The following MYH8 variants were observed in gnomAD, a reference collection of about 807,000 sequenced individuals.
MYH8 encodes myosin heavy chain 8, also known as myosin-8.
Under a neutral mutation model 233.2 loss-of-function variants are expected in MYH8, and 168 were observed. That is an observed-to-expected ratio of 0.72 (90% CI 0.64 to 0.82). MYH8 has a LOEUF of 0.82. Ranked by LOEUF, MYH8 falls within the 40% of genes least tolerant of loss-of-function variation. MYH8 has a pLI of 0.00. For missense variants in MYH8, 1,995 were observed against 2,327.8 expected (o/e 0.86, Z 2.94); for synonymous variants, 785 against 850.6 (o/e 0.92, Z 1.34).
rs749987291 is a variant in MYH8 at position 10,401,666 on chromosome 17, A to G, written c.2808T>C (p.Asn936=). 2.5e-6 allele frequency: 4 copies of G among 1,614,116 alleles called. No homozygotes were observed. Among genetic ancestry groups the G allele is most frequent in the Non-Finnish European group, 3.4e-6 (4 of 1,180,026 alleles). Residue 936 remains asparagine (N), a synonymous_variant, in exon 23 of 40, where the codon AAT becomes AAC. Coordinates refer to ENST00000403437, the MANE Select transcript of MYH8 (RefSeq NM_002472.3). ...TTCTCTTCTTGGCTGTCAGCTCAGC[A>G]TTGATCTCTTCCTCCTCCTCAGCTC... ...TERAEEEEEI[N]AELTAKKRKL... is the part of the protein sequence containing the mutation.
chr17:10,401,500 GGTGGC>G (rs2072142414), intron 23 of MYH8, 38 bp downstream of exon 23: 7 of 1,613,986 alleles, frequency 4.3e-6, no homozygotes, highest in Non-Finnish European at 5.9e-6. Flanking sequence ...CAATTTAGTT[GGTGGC>G]AGAACCTCTA....
chr17:10,402,195 G>A (rs1425597584), intron 22 of MYH8, among the ~76,000 whole-genome samples: 6 of 152,100 alleles, frequency 3.9e-5, no homozygotes, highest in African/African-American at 1.4e-4. Flanking sequence ...ATTGCCAAGA[G>A]CTTTTCAGCT....
At chr17:10,405,963 A>G (rs1202424401) in intron 21 of MYH8, 78 bp downstream of exon 21, 22 of 1,559,122 alleles carry the variant, frequency 1.4e-5, no homozygotes, top group Non-Finnish European at 1.8e-5. Flanking sequence ...CCACCAAATG[A>G]AAGAATTAAT....
intron 15 of MYH8, among the ~76,000 whole-genome samples, chr17:10,410,198 G>A (rs1358768597): frequency 6.6e-6 from 1 of 152,276 alleles, no homozygotes; most frequent in Admixed American, 6.5e-5. Flanking sequence ...CAGCTACTCG[G>A]GAGGCTGAGG....
rs775820934 is a variant in MYH8, at chr17:10,396,883, C to T, written c.4282G>A (p.Val1428Ile). The T allele has an allele frequency of 6.2e-7, 1 of 1,614,220 alleles. No individual in the cohort carries two copies. The highest frequency in any genetic ancestry group is 8.5e-7 in the Non-Finnish European group (1 of 1,180,044). Residue 1428 changes from valine (V) to isoleucine (I), a missense_variant, in exon 31 of 40, where the codon GTT becomes ATT. This residue lies in a region of MYH8 where 1,498 missense variants were observed against 1,680.9 expected (regional missense o/e 0.89). Coordinates refer to ENST00000403437, the MANE Select transcript of MYH8 (RefSeq NM_002472.3). The surrounding 1 kb of genome is among the most constrained non-coding windows in gnomAD (Gnocchi z 4.2). The part of the protein sequence containing the change: ...EKTKQRLQNE[V>I]EDLMLDVERS... ...TCCACATCAAGCATGAGGTCTTCAA[C>T]TTCATTCTGGAGCCGCTGCTTCGTC...
rs1450660738 is a variant in MYH8 at position 10,394,295 on chromosome 17, T to C, written c.5120A>G (p.Gln1707Arg). 19 of 1,613,974 alleles carry C rather than the reference T, an allele frequency of 1.2e-5. No homozygotes were observed. Among genetic ancestry groups the C allele is most frequent in the Non-Finnish European group, 1.4e-5 (17 of 1,179,998 alleles). The change falls in exon 35 of 40, where the codon CAG (glutamine) becomes CGG (arginine). Residue 1707 changes from glutamine to arginine, a missense_variant. Transcript: ENST00000403437. ...QTERSRKIAEQELLDASERVQ... is the reference protein window; with the variant it reads ...QTERSRKIAERELLDASERVQ... ...ACGCTCACTGGCATCCAGGAGCTCC[T>C]GTTCGGCGATTTTCCTGCTTCTCTC...
In MYH8 at chr17:10,390,616, A is replaced by T. The variant is rs1284643291; in HGVS notation, c.5665-13T>A. 6.2e-7 allele frequency: 1 copy of T among 1,613,640 alleles called. No individual in the cohort carries two copies. The highest frequency in any genetic ancestry group is 2.2e-5 in the East Asian group (1 of 44,884). On this transcript the variant is annotated splice_polypyrimidine_tract_variant and intron_variant, in intron 39 of 39. Transcript: ENST00000403437. ...TGGATTGTTCCTCCTAAGAATAGAG[A>T]TAAAATTGTGAGAATTAGACTGTGT...
intron 27 of MYH8, 73 bp from the exon 28 acceptor site, chr17:10,399,742 T>C: frequency 6.3e-7 from 1 of 1,588,724 alleles, no homozygotes; most frequent in Non-Finnish European, 8.6e-7. Flanking sequence ...TCTTAAAATA[T>C]TTGTAGAGTA....
chr17:10,392,442 G>A, intron 38 of MYH8, 100 bp downstream of exon 38: 1 of 1,063,000 alleles, frequency 9.4e-7, no homozygotes, highest in South Asian at 1.3e-5. Context: ...CCAAGTTAAT[G>A]CGTATTTGTT....
In MYH8 at chr17:10,414,422, A is replaced by C. The variant is rs773262066; in HGVS notation, c.868T>G (p.Tyr290Asp). Residue 290 changes from tyrosine (Y) to aspartate (D), a missense_variant, in exon 10 of 40, where the codon TAT becomes GAT. Transcript: ENST00000403437. Reference sequence around the variant, plus strand: ...GGCTTCTTATTGGAAGTGATCTGATAAAAAATATGGTAGCTTCTTTCCGCC... The same window carrying C: ...GGCTTCTTATTGGAAGTGATCTGATCAAAAATATGGTAGCTTCTTTCCGCC... ...LKAERSYHIF[Y>D]QITSNKKPDL... 4 of 1,613,420 alleles carry C rather than the reference A, an allele frequency of 2.5e-6. No individual in the cohort carries two copies. Among genetic ancestry groups the C allele is most frequent in the Admixed American group, 1.7e-5 (1 of 60,028 alleles).
At position 10,419,607 on chromosome 17, in the gene MYH8, T is replaced by C. The variant is rs2072318756; in HGVS notation, c.210+411A>G. Among the ~76,000 whole-genome samples the C allele has an allele frequency of 6.6e-6, 1 of 152,252 alleles. No individual in the cohort carries two copies. Among genetic ancestry groups the C allele is most frequent in the Non-Finnish European group, 1.5e-5 (1 of 68,046 alleles). On this transcript the variant is annotated intron_variant, in intron 3 of 39. Coordinates refer to ENST00000403437, the MANE Select transcript of MYH8 (RefSeq NM_002472.3). This position sits in a 1 kb window ranked among gnomAD's most constrained non-coding sequence, Gnocchi z 4.0. The stretch of plus-strand genomic sequence containing the variant: ...AGATTTATCAGTTTATATCCTTTTT[T>C]TCTTATTTTAGTAGGCTAAATTTTT...
intron 14 of MYH8, among the ~76,000 whole-genome samples, chr17:10,412,094 CTA>C (rs2072248466): frequency 6.6e-6 from 1 of 152,068 alleles, no homozygotes; most frequent in Admixed American, 6.5e-5. Context: ...TTAGTTTCTT[CTA>C]TATAAGTTGG....
intron 9 of MYH8, 21 bp from the exon 10 acceptor site, chr17:10,414,505 C>T (rs555045388): frequency 7.2e-6 from 11 of 1,517,952 alleles, no homozygotes; most frequent in Middle Eastern, 1.7e-4. Flanking sequence ...AAATAGATAT[C>T]GAGTTTGAAA....
chr17:10,407,848 AT>A (rs1320800492), intron 17 of MYH8, among the ~76,000 whole-genome samples: 51 of 152,084 alleles, frequency 3.4e-4, no homozygotes, highest in Middle Eastern at 3.4e-3. Flanking sequence ...CGAAAAAAAA[AT>A]AAATAAATAA....
chr17:10,400,721 G>A lies in MYH8; in HGVS notation c.3404C>T (p.Ala1135Val). ...IEAERASRAK[A>V]EKQRSDLSRE... ...GGAGAGGTCAGAGCGCTGCTTCTCC[G>A]CTTTGGCTCGGGACGCCCTCTCTGC... Residue 1135 changes from alanine (A) to valine (V), a missense_variant, in exon 27 of 40, where the codon GCG (alanine) becomes GTG (valine). By Grantham distance (64) the Ala-to-Val change is moderately conservative. Transcript: ENST00000403437. The surrounding 1 kb of genome is among the most constrained non-coding windows in gnomAD (Gnocchi z 4.0). The A allele has an allele frequency of 6.2e-7, 1 of 1,614,148 alleles. No homozygotes were observed.
At chr17:10,401,849 T>C (rs2072146645) in intron 22 of MYH8, 64 bp from the exon 23 acceptor site, 2 of 1,603,800 alleles carry the variant, frequency 1.2e-6, no homozygotes, top group Admixed American at 3.3e-5. Context: ...GTGTTTTTTT[T>C]GCGCAAAAAT....
chr17:10,412,590 C>A lies in MYH8; in HGVS notation c.1266+20G>T. 1 of 1,614,154 alleles carries A rather than the reference C, an allele frequency of 6.2e-7. No homozygotes were observed. The highest frequency in any genetic ancestry group is 2.2e-5 in the East Asian group (1 of 44,886). The stretch of plus-strand genomic sequence containing the variant: ...ATGAAGGCCTGAGATGTGTGTGATT[C>A]ATTGAGGTCATGCACTTACCTGCTG... On this transcript the variant is annotated intron_variant, in intron 13 of 39. Coordinates refer to ENST00000403437, the MANE Select transcript of MYH8 (RefSeq NM_002472.3).
intron 30 of MYH8, 39 bp from the exon 31 acceptor site, chr17:10,397,025 C>T: frequency 1.9e-6 from 3 of 1,608,384 alleles, no homozygotes; most frequent in Non-Finnish European, 2.6e-6. Flanking sequence ...ATGGCCAAGA[C>T]CAGAAGCAAA....
At position 10,401,117 on chromosome 17, in the gene MYH8, G is replaced by A. The variant is rs2072136654; in HGVS notation, c.3183C>T (p.Asp1061=). Reference sequence around the variant, plus strand: ...TTGTGGATTCTTGGGCCAATTTGAGGTCACCCTCCAGTTTCCGCTTTGCTC... The same window carrying A: ...TTGTGGATTCTTGGGCCAATTTGAGATCACCCTCCAGTTTCCGCTTTGCTC... ...LERAKRKLEG[D]LKLAQESTMD... The change falls in exon 25 of 40, where the codon GAC becomes GAT. Residue 1061 remains aspartate, a synonymous_variant. Coordinates refer to ENST00000403437, the MANE Select transcript of MYH8 (RefSeq NM_002472.3). The A allele has an allele frequency of 6.2e-7, 1 of 1,614,034 alleles. No homozygotes were observed. The highest frequency in any genetic ancestry group is 8.5e-7 in the Non-Finnish European group (1 of 1,180,012).
Sources: allele counts gnomAD v4.1 joint callset (sites outside exome capture counted in the v4.1 genomes callset), GRCh38; gene constraint gnomAD v4.1.1; regional missense constraint gnomAD v4.1.1; non-coding constraint Gnocchi (gnomAD v3.1); transcripts MANE v1.5; gene names NCBI Gene and HGNC (gene_info 2026-07-23, HGNC 2026-07-21).